Variants in FTCDNL1 observed in about 807,000 individuals in gnomAD.
FTCDNL1 encodes formiminotransferase N-terminal subdomain-containing protein.
Under a neutral mutation model 5.9 loss-of-function variants are expected in FTCDNL1, and 11 were observed. The ratio of observed to expected loss-of-function variants is 1.87; its 90% CI spans 1.18 to 3.10. The LOEUF (loss-of-function observed/expected upper bound fraction) is 3.10. Ranked by LOEUF, FTCDNL1 falls within the 30% of genes most tolerant of loss-of-function variation. The pLI, the probability that FTCDNL1 is intolerant of heterozygous loss-of-function variation, is 0.00. For synonymous variants in FTCDNL1, 58 were observed against 24.8 expected (o/e 2.34, Z -3.99); for missense variants, 115 against 65.5 (o/e 1.76, Z -2.61).
At chr2:199,842,611 G>T (rs528856469) in intron 3 of FTCDNL1, among the ~76,000 whole-genome samples, 2 of 152,238 alleles carry the variant, frequency 1.3e-5, no homozygotes, top group East Asian at 3.9e-4. Context: ...CCCACTTTAA[G>T]AACCTCATCC....
At chr2:199,717,431 C>G in the FTCDNL1 span, among the ~76,000 whole-genome samples, 1 of 149,972 alleles carries the variant, frequency 6.7e-6, no homozygotes, top group African/African-American at 2.5e-5. Flanking sequence ...TTGTTGTTAA[C>G]TTCCCACAAT....
intron 3 of FTCDNL1, among the ~76,000 whole-genome samples, chr2:199,821,712 C>T (rs1701704166): frequency 6.6e-6 from 1 of 152,164 alleles, no homozygotes. Flanking sequence ...ATCTGCCTGC[C>T]TCAGCCTCCC....
intron 3 of FTCDNL1, among the ~76,000 whole-genome samples, chr2:199,821,061 G>A (rs1701651088): frequency 6.6e-6 from 1 of 152,180 alleles, no homozygotes; most frequent in African/African-American, 2.4e-5. Flanking sequence ...CATGTTAATG[G>A]AGGAAATGAA....
chr2:199,719,728 G>C, the FTCDNL1 span, among the ~76,000 whole-genome samples: 1 of 152,000 alleles, frequency 6.6e-6, no homozygotes, highest in African/African-American at 2.4e-5. Context: ...TCTGCCTCCT[G>C]GGCTCAAGCG....
chr2:199,806,921 C>G (rs1373024005), downstream of FTCDNL1, among the ~76,000 whole-genome samples: 1 of 152,176 alleles, frequency 6.6e-6, no homozygotes, highest in Non-Finnish European at 1.5e-5. Flanking sequence ...CAATTTTGGC[C>G]TCTTCACAGT....
At chr2:199,708,940 T>C in the FTCDNL1 span, among the ~76,000 whole-genome samples, 2 of 152,118 alleles carry the variant, frequency 1.3e-5, no homozygotes, top group Non-Finnish European at 2.9e-5. Flanking sequence ...TCAGATACCC[T>C]GAACACTGGT....
the FTCDNL1 span, among the ~76,000 whole-genome samples, chr2:199,707,591 A>T: frequency 6.6e-6 from 1 of 150,888 alleles, no homozygotes; most frequent in African/African-American, 2.4e-5. Context: ...GTATGTCTCC[A>T]TTTGGTAAAG....
At chr2:199,721,786 T>A in the FTCDNL1 span, among the ~76,000 whole-genome samples, 1 of 152,208 alleles carries the variant, frequency 6.6e-6, no homozygotes, top group Non-Finnish European at 1.5e-5. Flanking sequence ...CACCAGCATC[T>A]GTTGTTTCTT....
At chr2:199,815,583 T>A (rs1160322772) in intron 4 of FTCDNL1, among the ~76,000 whole-genome samples, 1 of 152,108 alleles carries the variant, frequency 6.6e-6, no homozygotes, top group East Asian at 1.9e-4. Context: ...CCAATTAAAT[T>A]TAAACAAGAG....
At chr2:199,734,880 T>C in the FTCDNL1 span, among the ~76,000 whole-genome samples, 14 of 152,134 alleles carry the variant, frequency 9.2e-5, no homozygotes, top group African/African-American at 3.4e-4. Context: ...TCTTGAAACA[T>C]ACATGGGTTT....
the FTCDNL1 span, among the ~76,000 whole-genome samples, chr2:199,717,989 A>C: frequency 3.3e-5 from 4 of 121,746 alleles, no homozygotes; most frequent in African/African-American, 1.9e-4. Flanking sequence ...AAAAAAACAA[A>C]AAAAAAAAAA....
chr2:199,728,251 C>CT, the FTCDNL1 span, among the ~76,000 whole-genome samples: 3,985 of 145,526 alleles, frequency 0.027, 134 homozygotes, highest in African/African-American at 0.084. Flanking sequence ...TCCATGGTAA[C>CT]TTTTTTTTTT....
downstream of FTCDNL1, among the ~76,000 whole-genome samples, chr2:199,808,542 T>A (rs1040904831): frequency 2.6e-5 from 4 of 152,192 alleles, no homozygotes; most frequent in Admixed American, 2.6e-4. Flanking sequence ...TGACACACTG[T>A]ACCCATTAAA....
chr2:199,767,605 G>A lies in FTCDNL1; in HGVS notation c.212-6770C>T, dbSNP rs532200413. ...ATTAGGCCATGGGGGATCTGCATTC[G>A]TGAATGGGATAAATATCCTTATAAA... On this transcript the variant is annotated intron_variant, in intron 3 of 3. Coordinates refer to the FTCDNL1 transcript ENST00000416668. Among the ~76,000 whole-genome samples the A allele has an allele frequency of 5.3e-5, 8 of 152,292 alleles. No homozygotes were observed. In the South Asian group the frequency reaches 1.0e-3, roughly 20 times the overall value.
chr2:199,845,506 G>C (rs1180070343), intron 3 of FTCDNL1, among the ~76,000 whole-genome samples: 2 of 152,082 alleles, frequency 1.3e-5, no homozygotes, highest in East Asian at 3.9e-4. Flanking sequence ...CGGAGGCAGA[G>C]GTTGCAGTGA....
At chr2:199,735,201 C>A in the FTCDNL1 span, among the ~76,000 whole-genome samples, 1 of 149,486 alleles carries the variant, frequency 6.7e-6, no homozygotes, top group Non-Finnish European at 1.5e-5. Context: ...CAACACAGAA[C>A]TCTATGAAAG....
the FTCDNL1 span, among the ~76,000 whole-genome samples, chr2:199,747,936 T>C: frequency 6.6e-6 from 1 of 152,202 alleles, no homozygotes; most frequent in South Asian, 2.1e-4. Flanking sequence ...CATTTGATGT[T>C]GGATGGCTAA....
chr2:199,765,556 A>ATATATATTTTTTTTTTTTTTTTTTTTTTT, intron 3 of FTCDNL1, among the ~76,000 whole-genome samples: 1 of 42,666 alleles, frequency 2.3e-5, no homozygotes, highest in Non-Finnish European at 4.8e-5. Context: ...ATATATATAT[A>ATATATATTTTTTTTTTTTTTTTTTTTTTT]TTTTTTTTTT....
chr2:199,776,925 T>TACAC (rs1303874804), intron 3 of FTCDNL1, among the ~76,000 whole-genome samples: 6 of 144,928 alleles, frequency 4.1e-5, no homozygotes, highest in East Asian at 4.3e-4. Context: ...TGTATATATA[T>TACAC]ATACACACAC....
Sources: allele counts gnomAD v4.1 joint callset (sites outside exome capture counted in the v4.1 genomes callset), GRCh38; gene constraint gnomAD v4.1.1; transcripts MANE v1.5; gene names NCBI Gene and HGNC (gene_info 2026-07-23, HGNC 2026-07-21).